The following MSI2 variants were observed in gnomAD, a reference collection of about 807,000 sequenced individuals.
MSI2 encodes musashi RNA binding protein 2.
Under a neutral mutation model 45.6 loss-of-function variants are expected in MSI2, and 17 were observed. That is an observed-to-expected ratio of 0.37 (90% CI 0.26 to 0.56). The LOEUF is 0.56. Ranked by LOEUF, MSI2 falls within the 20% of genes least tolerant of loss-of-function variation. The pLI is 0.77. For synonymous variants in MSI2, 156 were observed against 158.2 expected, an observed-to-expected ratio of 0.99 and a Z score of 0.11; for missense variants, 293 against 444.2, an observed-to-expected ratio of 0.66 and a Z score of 3.06.
At chr17:57,336,689 T>A (rs1914714977) in intron 5 of MSI2, among the ~76,000 whole-genome samples, 1 of 152,212 alleles carries the variant, frequency 6.6e-6, no homozygotes, top group South Asian at 2.1e-4. Context: ...TGTTGCATCT[T>A]ATGGTTGTTA....
At chr17:57,565,837 C>T (rs2087718049) in intron 7 of MSI2, 1 of 152,196 alleles carries the variant, frequency 6.6e-6, no homozygotes, top group South Asian at 2.1e-4. Flanking sequence ...TCTCCTCTTT[C>T]TCGGGCTCCC....
intron 5 of MSI2, among the ~76,000 whole-genome samples, chr17:57,354,473 A>G (rs917380595): frequency 2.0e-5 from 3 of 151,990 alleles, no homozygotes; most frequent in African/African-American, 7.3e-5. Flanking sequence ...ATTCTAAGAG[A>G]GATGATAAGT....
rs536730098 is a variant in MSI2, at chr17:57,626,935, G to A, written c.653-294G>A. ...TCTCCAAATGTCAGAGCCAGGCGCA[G>A]GCTTTGTGTTTGGTGCTGATGCATG... On this transcript the variant is annotated intron_variant, in intron 9 of 13. Coordinates refer to ENST00000284073, the MANE Select transcript of MSI2 (RefSeq NM_138962.4). 8.6e-5 allele frequency: 43 copies of A among 499,366 alleles called. No individual in the cohort carries two copies. The South Asian group carries it at 1.1e-3, about 13-fold the overall frequency. The allele number at this position is 499,366 out of a possible 1,614,324, so 30.9% of individuals were successfully genotyped here.
downstream of MSI2, among the ~76,000 whole-genome samples, chr17:57,686,251 A>T (rs944890142): frequency 6.6e-6 from 1 of 152,180 alleles, no homozygotes; most frequent in African/African-American, 2.4e-5. Flanking sequence ...CTAAAAAAAG[A>T]GGTAGGACAG....
chr17:57,616,262 GGTGTGTGTGTGTGCATGCATGTGTGT>G (rs1248782414), intron 9 of MSI2, 178 bp downstream of exon 9: 6 of 557,906 alleles, frequency 1.1e-5, no homozygotes, highest in African/African-American at 7.7e-5. Context: ...ATTAAGTGTG[GGTGTGTGTGTGTGCATGCATGTGTGT>G]GTGTGTGTGT....
At chr17:57,455,602 G>C (rs1851249392) in intron 6 of MSI2, among the ~76,000 whole-genome samples, 1 of 152,134 alleles carries the variant, frequency 6.6e-6, no homozygotes, top group African/African-American at 2.4e-5. Flanking sequence ...AGAAGTTTTT[G>C]TGTATAGCGA....
chr17:57,289,483 A>G (rs1598077331), intron 5 of MSI2, among the ~76,000 whole-genome samples: 1 of 57,754 alleles, frequency 1.7e-5, no homozygotes, highest in Non-Finnish European at 4.4e-5. Flanking sequence ...AAATGAATTC[A>G]TTAAAAAAAA....
Position 57,529,820 on chromosome 17 carries a change from T to C in MSI2, c.454+96T>C. 1.9e-6 allele frequency: 2 copies of C among 1,029,124 alleles called. No individual in the cohort carries two copies. The highest frequency in any genetic ancestry group is 2.9e-6 in the Non-Finnish European group (2 of 685,314). The allele number at this position is 1,029,124 out of a possible 1,614,324, so 63.7% of individuals were successfully genotyped here. On this transcript the variant is annotated intron_variant, in intron 7 of 13. Transcript: ENST00000284073. The surrounding 1 kb of genome is among the most constrained non-coding windows in gnomAD (Gnocchi z 5.3). ...CACTGACAAAAGATACAGTGAAGAG[T>C]CCAGAGTCAAGCAGGTAGAGGTGAC...
At chr17:57,266,495 G>A (rs1907784939) in intron 5 of MSI2, 1 of 152,156 alleles carries the variant, frequency 6.6e-6, no homozygotes, top group Non-Finnish European at 1.5e-5. Context: ...CCGACTAGCT[G>A]GGATTACAGG....
In MSI2 at chr17:57,529,801, C is replaced by G. The variant is rs2086784073; in HGVS notation, c.454+77C>G. ...TGTCTGTCATCCCCAGTCCCACTGA[C>G]AAAAGATACAGTGAAGAGTCCAGAG... On this transcript the variant is annotated intron_variant, in intron 7 of 13. Transcript: ENST00000284073. This position sits in a 1 kb window ranked among gnomAD's most constrained non-coding sequence, Gnocchi z 5.3. The G allele has an allele frequency of 8.1e-7, 1 of 1,230,314 alleles. No homozygotes were observed. Among genetic ancestry groups the G allele is most frequent in the Admixed American group, 2.2e-5 (1 of 46,460 alleles). 76.2% of individuals were successfully genotyped at this position (1,230,314 alleles called of 1,614,324 possible). A position where few individuals can be genotyped will look rare whatever the true frequency, so the allele number is the denominator to read the frequency against.
chr17:57,411,659 T>A (rs933285144), intron 6 of MSI2, among the ~76,000 whole-genome samples: 2 of 152,152 alleles, frequency 1.3e-5, no homozygotes, highest in Non-Finnish European at 2.9e-5. Context: ...AAGCTGTTTA[T>A]CCTGAGGTGA....
intron 6 of MSI2, among the ~76,000 whole-genome samples, chr17:57,430,365 A>G (rs1237137080): frequency 1.3e-5 from 2 of 151,904 alleles, no homozygotes; most frequent in African/African-American, 4.8e-5. Context: ...TTCTCTTATC[A>G]TGTGGTTGTC....
At chr17:57,500,818 A>G (rs2086089348) in intron 6 of MSI2, among the ~76,000 whole-genome samples, 2 of 146,032 alleles carry the variant, frequency 1.4e-5, no homozygotes, top group South Asian at 4.4e-4. Context: ...AAGGATTAGC[A>G]GGGGCATGGT....
At chr17:57,289,223 G>A (rs1910189914) in intron 5 of MSI2, among the ~76,000 whole-genome samples, 1 of 152,158 alleles carries the variant, frequency 6.6e-6, no homozygotes, top group Non-Finnish European at 1.5e-5. Flanking sequence ...CTTCCCTTTT[G>A]GTTAAGTGAA....
chr17:57,257,434 C>CG lies in MSI2; in HGVS notation c.104-32_104-31insG, dbSNP rs759217744. 7 of 1,125,626 alleles carry CG rather than the reference C, an allele frequency of 6.2e-6. No individual in the cohort carries two copies. In the South Asian group the frequency reaches 8.0e-5, roughly 13 times the overall value. The allele number at this position is 1,125,626 out of a possible 1,614,324, so 69.7% of individuals were successfully genotyped here. A position where few individuals can be genotyped will look rare whatever the true frequency, so the allele number is the denominator to read the frequency against. ...GCTTTTTTTTTCCACACCTTCTCTC[C>CG]CCCCCCCATCTCTCTCTTTCTCTCT... On this transcript the variant is annotated intron_variant, in intron 2 of 13. Coordinates refer to ENST00000284073, the MANE Select transcript of MSI2 (RefSeq NM_138962.4).
intron 5 of MSI2, among the ~76,000 whole-genome samples, chr17:57,271,971 A>G (rs1471577200): frequency 1.3e-5 from 2 of 152,102 alleles, no homozygotes; most frequent in African/African-American, 2.4e-5. Context: ...TGGGCCGCCT[A>G]GGGGAACAGA....
At position 57,652,862 on chromosome 17, in the gene MSI2, G is replaced by T. The variant is rs984501270; in HGVS notation, c.790+701G>T. Among the ~76,000 whole-genome samples, 1 of 152,228 alleles carries T rather than the reference G, an allele frequency of 6.6e-6. No homozygotes were observed. The highest frequency in any genetic ancestry group is 1.5e-5 in the Non-Finnish European group (1 of 68,034). Reference sequence around the variant, plus strand: ...CTTTCCCAGCATTATCATGGGGTCAGGCCAGAGCTGGGATATGTCCAGGGT... The same window carrying T: ...CTTTCCCAGCATTATCATGGGGTCATGCCAGAGCTGGGATATGTCCAGGGT... On this transcript the variant is annotated intron_variant, in intron 11 of 13. Coordinates refer to ENST00000284073, the MANE Select transcript of MSI2 (RefSeq NM_138962.4). This position sits in a 1 kb window ranked among gnomAD's most constrained non-coding sequence, Gnocchi z 4.1.
At chr17:57,575,525 GGC>G (rs1366869786) in intron 7 of MSI2, among the ~76,000 whole-genome samples, 1 of 152,108 alleles carries the variant, frequency 6.6e-6, no homozygotes, top group African/African-American at 2.4e-5. Flanking sequence ...GGCTTTGTTT[GGC>G]CAGGCCTGAG....
chr17:57,363,506 A>G (rs1916973319), intron 5 of MSI2, among the ~76,000 whole-genome samples: 1 of 152,202 alleles, frequency 6.6e-6, no homozygotes, highest in Non-Finnish European at 1.5e-5. Flanking sequence ...GGGAGGCTGA[A>G]GTGGGCAGAT....
Sources: allele counts gnomAD v4.1 joint callset (sites outside exome capture counted in the v4.1 genomes callset), GRCh38; gene constraint gnomAD v4.1.1; non-coding constraint Gnocchi (gnomAD v3.1); transcripts MANE v1.5; gene names NCBI Gene and HGNC (gene_info 2026-07-23, HGNC 2026-07-21).